ATP6V0D1: variants seen among roughly 807,000 people sequenced by gnomAD.
ATP6V0D1 encodes the protein ATPase H+ transporting V0 subunit d1, also known as V-type proton ATPase subunit d 1.
A neutral mutation model predicts 39.0 loss-of-function variants in ATP6V0D1; 13 were observed. The observed-to-expected ratio is 0.33, with a 90% CI of 0.22 to 0.53. The LOEUF is 0.53. ATP6V0D1 is among the 20% of genes least tolerant of loss of function. The pLI is 0.94. For synonymous variants in ATP6V0D1, 191 were observed against 191.2 expected (o/e 1.00, Z 0.01); for missense variants, 272 against 470.9 (o/e 0.58, Z 3.91).
At chr16:67,473,062 C>A in intron 1 of ATP6V0D1, among the ~76,000 whole-genome samples, 1 of 152,120 alleles carries the variant, frequency 6.6e-6, no homozygotes, top group East Asian at 1.9e-4. Flanking sequence ...TGCATCTATC[C>A]AGACCTCGCT....
intron 1 of ATP6V0D1, among the ~76,000 whole-genome samples, chr16:67,479,855 G>T (rs1484281261): frequency 6.6e-6 from 1 of 152,102 alleles, no homozygotes. Context: ...GGCAAAGACT[G>T]GAATTAGGGA....
Position 67,480,947 on chromosome 16 carries a change from C to T in ATP6V0D1, c.130+10G>A, listed in dbSNP as rs199750086. ...AGCCTCTATCCCCGCCTTTCGCGGC[C>T]CCGGCTCACCCTCTAGCGTCTCGCA... is the stretch of plus-strand genomic sequence containing the variant. On this transcript the variant is annotated intron_variant, in intron 1 of 7. Coordinates refer to ENST00000290949, the MANE Select transcript of ATP6V0D1 (RefSeq NM_004691.5). The T allele has an allele frequency of 5.3e-5, 85 of 1,613,628 alleles. No homozygotes were observed. Among genetic ancestry groups the T allele is most frequent in the Non-Finnish European group, 6.8e-5 (80 of 1,179,680 alleles).
Position 67,438,311 on chromosome 16 carries a change from T to C in ATP6V0D1, c.*217A>G. The C allele has an allele frequency of 1.6e-6, 1 of 606,828 alleles. No homozygotes were observed. 37.6% of individuals were successfully genotyped at this position (606,828 alleles called of 1,614,324 possible). A position where few individuals can be genotyped will look rare whatever the true frequency, so the allele number is the denominator to read the frequency against. ...TTGCTCTGGAGGGGGTCTTCGTCCA[T>C]CCTTGGTGGGGGGGGGTGCCCAGCC... On this transcript the variant is annotated 3_prime_UTR_variant, in exon 8 of 8. Transcript: ENST00000290949.
At position 67,438,411 on chromosome 16, in the gene ATP6V0D1, C is replaced by T. The variant is rs997438859; in HGVS notation, c.*117G>A. ...GCCGCTAGGACAGCGTACTACACCC[C>T]GGACAGGCAGGTGAGCCACAGGCTT... On this transcript the variant is annotated 3_prime_UTR_variant, in exon 8 of 8. Transcript: ENST00000290949. 6.2e-6 allele frequency: 8 copies of T among 1,282,490 alleles called. No individual in the cohort carries two copies. The highest frequency in any genetic ancestry group is 5.0e-5 in the East Asian group (2 of 39,764). The allele number at this position is 1,282,490 out of a possible 1,614,324, so 79.4% of individuals were successfully genotyped here.
intron 1 of ATP6V0D1, among the ~76,000 whole-genome samples, chr16:67,471,244 T>A (rs1296622541): frequency 6.6e-6 from 1 of 152,212 alleles, no homozygotes; most frequent in Non-Finnish European, 1.5e-5. Context: ...TGGAGTACAG[T>A]GGGGGTGACC....
Position 67,444,537 on chromosome 16 carries a change from T to C in ATP6V0D1, c.472A>G (p.Thr158Ala). ...CACCACAGCGGCTCACCAAGAGGCG[T>C]GTCCACCAGAATGGCATTGTAGAGC... is the stretch of plus-strand genomic sequence containing the variant. ...AELYNAILVD[T>A]PLAAFFQDCI... The change falls in exon 3 of 8, where the codon ACG (threonine) becomes GCG (alanine). Residue 158 changes from threonine to alanine, a missense_variant. This residue lies in a region of ATP6V0D1 where 135 missense variants were observed against 273.8 expected (regional missense o/e 0.49). Transcript: ENST00000290949. This position sits in a 1 kb window ranked among gnomAD's most constrained non-coding sequence, Gnocchi z 4.8. 1 of 1,598,368 alleles carries C rather than the reference T, an allele frequency of 6.3e-7. No homozygotes were observed. The highest frequency in any genetic ancestry group is 8.6e-7 in the Non-Finnish European group (1 of 1,167,950).
At chr16:67,479,370 C>T (rs1472149796) in intron 1 of ATP6V0D1, among the ~76,000 whole-genome samples, 3 of 152,098 alleles carry the variant, frequency 2.0e-5, no homozygotes, top group Admixed American at 6.5e-5. Flanking sequence ...CCTGTCACCA[C>T]GCCCAGCTAA....
chr16:67,439,435 C>G (rs2041021041), intron 4 of ATP6V0D1, 84 bp from the exon 5 acceptor site: 1 of 1,310,962 alleles, frequency 7.6e-7, no homozygotes, highest in Admixed American at 1.9e-5. Context: ...GCTCCCTCCT[C>G]CCCTCCCTAG....
chr16:67,470,083 T>C (rs529202023), intron 1 of ATP6V0D1, among the ~76,000 whole-genome samples: 1 of 152,354 alleles, frequency 6.6e-6, no homozygotes, highest in South Asian at 2.1e-4. Context: ...CATGGTTTAC[T>C]TAACCAGACC....
At chr16:67,467,733 T>C (rs2041341841) in intron 1 of ATP6V0D1, among the ~76,000 whole-genome samples, 1 of 152,110 alleles carries the variant, frequency 6.6e-6, no homozygotes. Context: ...TGGCAACCCA[T>C]AGGGGCACTA....
In ATP6V0D1 at chr16:67,438,877, A is replaced by AG. The variant is rs756152539; in HGVS notation, c.817-8dup. On this transcript the variant is annotated splice_polypyrimidine_tract_variant and splice_region_variant and intron_variant, in intron 6 of 7. Coordinates refer to ENST00000290949, the MANE Select transcript of ATP6V0D1 (RefSeq NM_004691.5). The stretch of plus-strand genomic sequence containing the variant: ...CGAAGAGCAGCTTGTACTCCTGGCC[A>AG]GGGGGGTGGGGGGAAGCACAAGCAT... The AG allele has an allele frequency of 4.3e-6, 6 of 1,388,814 alleles. No homozygotes were observed. Among genetic ancestry groups the AG allele is most frequent in the African/African-American group, 1.9e-5 (1 of 53,246 alleles). 86.0% of individuals were successfully genotyped at this position (1,388,814 alleles called of 1,614,324 possible).
intron 1 of ATP6V0D1, among the ~76,000 whole-genome samples, chr16:67,472,212 C>T (rs8063771): frequency 0.25 from 38,416 of 152,078 alleles, 9,480 homozygotes; most frequent in African/African-American, 0.65. Flanking sequence ...CACTGGGGTC[C>T]CCTTGTGCAG....
intron 1 of ATP6V0D1, among the ~76,000 whole-genome samples, chr16:67,479,719 TC>T (rs912080889): frequency 6.6e-6 from 1 of 151,890 alleles, no homozygotes; most frequent in Admixed American, 6.6e-5. Context: ...CTGGCCATCC[TC>T]CCCCCACCCA....
At position 67,471,941 on chromosome 16, in the gene ATP6V0D1, C is replaced by T. The variant is rs550885090; in HGVS notation, c.130+9016G>A. On this transcript the variant is annotated intron_variant, in intron 1 of 7. Coordinates refer to ENST00000290949, the MANE Select transcript of ATP6V0D1 (RefSeq NM_004691.5). ...ACAGGCGTTAGCCACCACACCAGGC[C>T]CAGTGAGTTTCTAATTGTATCATAC... 1.7e-4 allele frequency among the ~76,000 whole-genome samples: 26 copies of T among 152,228 alleles called. No individual in the cohort carries two copies. The South Asian group carries it at 5.4e-3, about 32-fold the overall frequency.
chr16:67,443,218 T>C (rs1029093278), intron 3 of ATP6V0D1, 40 bp from the exon 4 acceptor site: 19 of 1,599,766 alleles, frequency 1.2e-5, no homozygotes, highest in Non-Finnish European at 1.6e-5. Context: ...GCAGGTGGCC[T>C]AGGCCAGAAT....
chr16:67,473,220 T>TGGG (rs575768414), intron 1 of ATP6V0D1, among the ~76,000 whole-genome samples: 4 of 151,658 alleles, frequency 2.6e-5, no homozygotes, highest in African/African-American at 7.3e-5. Flanking sequence ...AATTTGGGGC[T>TGGG]GGGGGGGGTG....
intron 1 of ATP6V0D1, among the ~76,000 whole-genome samples, chr16:67,468,512 T>C (rs2041348013): frequency 6.7e-6 from 1 of 149,468 alleles, no homozygotes; most frequent in African/African-American, 2.5e-5. Context: ...TGCTTGAGCC[T>C]GGGAGGTCAA....
Position 67,444,653 on chromosome 16 carries a change from T to C in ATP6V0D1, c.356A>G (p.Gln119Arg). The change falls in exon 3 of 8, where the codon CAG (glutamine) becomes CGG (arginine). Residue 119 changes from glutamine to arginine, a missense_variant. Coordinates refer to ENST00000290949, the MANE Select transcript of ATP6V0D1 (RefSeq NM_004691.5). This position sits in a 1 kb window ranked among gnomAD's most constrained non-coding sequence, Gnocchi z 4.8. Reference protein sequence around the residue: ...VILLITGTLHQRSIAELVPKC... With the variant: ...VILLITGTLHRRSIAELVPKC... ...GGGCACGAGCTCAGCGATGGAGCGCTGGTGCAGCGTGCCTGTGATGAGCAG... is the reference window on the plus strand; with the variant it reads ...GGGCACGAGCTCAGCGATGGAGCGCCGGTGCAGCGTGCCTGTGATGAGCAG... 6.2e-7 allele frequency: 1 copy of C among 1,612,210 alleles called. No individual in the cohort carries two copies. The highest frequency in any genetic ancestry group is 1.3e-5 in the African/African-American group (1 of 75,070).
At chr16:67,449,217 G>C (rs2041150568) in intron 2 of ATP6V0D1, among the ~76,000 whole-genome samples, 1 of 152,226 alleles carries the variant, frequency 6.6e-6, no homozygotes, top group Non-Finnish European at 1.5e-5. Flanking sequence ...CCATGCCCAG[G>C]CTCTGCCAAT....
Sources: allele counts gnomAD v4.1 joint callset (sites outside exome capture counted in the v4.1 genomes callset), GRCh38; gene constraint gnomAD v4.1.1; regional missense constraint gnomAD v4.1.1; non-coding constraint Gnocchi (gnomAD v3.1); transcripts MANE v1.5; gene names NCBI Gene and HGNC (gene_info 2026-07-23, HGNC 2026-07-21).